The following EHMT1 variants were observed in gnomAD, a reference collection of about 807,000 sequenced individuals.
EHMT1 encodes the protein histone-lysine N-methyltransferase EHMT1.
A neutral mutation model predicts 147.2 loss-of-function variants in EHMT1; 15 were observed. That is an observed-to-expected ratio of 0.10 (90% CI 0.07 to 0.16). The LOEUF is 0.16. EHMT1 is among the 10% of genes least tolerant of loss of function. The probability of loss-of-function intolerance (pLI) is 1.00; values close to 1 mark genes in which losing one functional copy is unlikely to be tolerated. For synonymous variants in EHMT1, 795 were observed against 709.6 expected (o/e 1.12, Z -1.91); for missense variants, 1,587 against 1,772.4 (o/e 0.90, Z 1.88).
chr9:137,813,178 GC>G lies in EHMT1; in HGVS notation c.3035+8del. On this transcript the variant is annotated splice_donor_region_variant and intron_variant, in intron 20 of 26. Coordinates refer to ENST00000460843, the MANE Select transcript of EHMT1 (RefSeq NM_024757.5). The surrounding 1 kb of genome is among the most constrained non-coding windows in gnomAD (Gnocchi z 4.9). ...CGTGGAGAGGATAGTGAGCAGGTGA[GC>G]CCAGCCCCAGGACGGCTTTGTGGCA... is the stretch of plus-strand genomic sequence containing the variant. 2.5e-6 allele frequency: 4 copies of G among 1,608,220 alleles called. No individual in the cohort carries two copies. The highest frequency in any genetic ancestry group is 3.4e-6 in the Non-Finnish European group (4 of 1,179,920).
chr9:137,780,074 GAGAT>G (rs1951268404), intron 14 of EHMT1, among the ~76,000 whole-genome samples: 1 of 150,724 alleles, frequency 6.6e-6, no homozygotes, highest in Non-Finnish European at 1.5e-5. Context: ...TGATGACGCT[GAGAT>G]GTATGGTGAT....
chr9:137,675,810 G>T (rs1941230410), intron 1 of EHMT1, among the ~76,000 whole-genome samples: 2 of 111,270 alleles, frequency 1.8e-5, no homozygotes, highest in Non-Finnish European at 3.3e-5. Context: ...TTTAGACGGA[G>T]TCTCGCTCTG....
At chr9:137,766,093 T>TA (rs943596416) in intron 10 of EHMT1, among the ~76,000 whole-genome samples, 103 of 152,080 alleles carry the variant, frequency 6.8e-4, no homozygotes, top group African/African-American at 2.1e-3. Context: ...CCCCATCTCT[T>TA]AAAAAAACTT....
At position 137,717,034 on chromosome 9, in the gene EHMT1, C is replaced by A. The variant is rs1945389965; in HGVS notation, c.494C>A (p.Pro165Gln). Residue 165 changes from proline to glutamine, a missense_variant, in exon 3 of 27, where the codon CCA becomes CAA. Pro to Gln is a moderately conservative substitution (Grantham distance 76). Around this residue, in one of 7 missense-constraint regions of EHMT1, gnomAD observed 810 missense variants for 673.0 expected, o/e 1.20. Transcript: ENST00000460843. ...GGAGGGGCTGGCAAAGGCAGGACTC[C>A]AAGCGCTTTTCCCCAGACGCCAGCC... ...LPGGAGKGRT[P>Q]SAFPQTPAAP... 1.9e-6 allele frequency: 3 copies of A among 1,607,020 alleles called. No individual in the cohort carries two copies. Among genetic ancestry groups the A allele is most frequent in the Middle Eastern group, 1.7e-4 (1 of 6,052 alleles).
At chr9:137,811,737 C>T (rs1000757042) in intron 19 of EHMT1, 122 bp downstream of exon 19, 80 of 1,320,428 alleles carry the variant, frequency 6.1e-5, no homozygotes, top group Non-Finnish European at 7.6e-5. Flanking sequence ...TCTGTTCCTT[C>T]GTGTGGAAGT....
At chr9:137,630,329 A>G (rs1490581217) in intron 1 of EHMT1, among the ~76,000 whole-genome samples, 1 of 152,248 alleles carries the variant, frequency 6.6e-6, no homozygotes, top group Non-Finnish European at 1.5e-5. Flanking sequence ...AGTTAAAAGT[A>G]AACAAGAAGA....
intron 1 of EHMT1, among the ~76,000 whole-genome samples, chr9:137,633,584 C>A (rs1467974921): frequency 6.6e-6 from 1 of 152,056 alleles, no homozygotes; most frequent in East Asian, 1.9e-4. Flanking sequence ...CTATAAAATT[C>A]ACATTTTAAA....
chr9:137,624,099 A>G (rs118136239), intron 1 of EHMT1, among the ~76,000 whole-genome samples: 2,914 of 150,794 alleles, frequency 0.019, 40 homozygotes, highest in Non-Finnish European at 0.03. Context: ...TCCTGGGCTC[A>G]AGTGGTTCTC....
At chr9:137,743,795 C>A in intron 5 of EHMT1, 107 bp from the exon 6 acceptor site, 1 of 1,378,162 alleles carries the variant, frequency 7.3e-7, no homozygotes, top group Non-Finnish European at 9.9e-7. Context: ...CCCCGCCTCC[C>A]CACAGGCCCT....
At chr9:137,728,597 A>G in intron 4 of EHMT1, 68 bp downstream of exon 4, 1 of 1,606,172 alleles carries the variant, frequency 6.2e-7, no homozygotes, top group South Asian at 1.1e-5. Flanking sequence ...TTGCCAGGTG[A>G]GAGTTCTGTT....
chr9:137,746,614 T>TA (rs1948561826), intron 6 of EHMT1: 1 of 152,256 alleles, frequency 6.6e-6, no homozygotes, highest in African/African-American at 2.4e-5. Context: ...AGAATTAAAA[T>TA]ATCAGGTAGG....
chr9:137,815,862 G>A, intron 22 of EHMT1, 85 bp from the exon 23 acceptor site: 1 of 1,152,992 alleles, frequency 8.7e-7, no homozygotes, highest in Non-Finnish European at 1.3e-6. Flanking sequence ...AAGCCACACT[G>A]GGCACTTAGT....
intron 1 of EHMT1, among the ~76,000 whole-genome samples, chr9:137,693,341 A>G (rs1943101241): frequency 6.6e-6 from 1 of 152,182 alleles, no homozygotes; most frequent in African/African-American, 2.4e-5. Context: ...TAATCAATTC[A>G]GAACTTAGGC....
At chr9:137,677,185 T>G (rs1181194042) in intron 1 of EHMT1, among the ~76,000 whole-genome samples, 2 of 151,934 alleles carry the variant, frequency 1.3e-5, no homozygotes, top group Non-Finnish European at 2.9e-5. Flanking sequence ...CCAGGCTGGA[T>G]TGCCGTGACG....
rs1171507861 is a variant in EHMT1 at position 137,775,133 on chromosome 9, G to T, written c.1672G>T (p.Val558Phe). 1.9e-6 allele frequency: 3 copies of T among 1,614,100 alleles called. No homozygotes were observed. The South Asian group carries it at 3.3e-5, about 18-fold the overall frequency. The change falls in exon 11 of 27, where the codon GTC becomes TTC. Residue 558 changes from valine to phenylalanine, a missense_variant. By Grantham distance (50) the Val-to-Phe change is conservative (BLOSUM62 -1). This residue lies in a region of EHMT1 where 124 missense variants were observed against 197.8 expected (regional missense o/e 0.63). Transcript: ENST00000460843. The surrounding 1 kb of genome is among the most constrained non-coding windows in gnomAD (Gnocchi z 6.1). ...HELGRCTNSV[V>F]KYELMRPSNK... ...GTTGGGCCGGTGCACAAACAGCGTGGTCAAGTATGAGCTGATGCGCCCCTC... is the reference window on the plus strand; with the variant it reads ...GTTGGGCCGGTGCACAAACAGCGTGTTCAAGTATGAGCTGATGCGCCCCTC...
At chr9:137,822,389 G>A (rs1212757210) in intron 25 of EHMT1, among the ~76,000 whole-genome samples, 1 of 152,156 alleles carries the variant, frequency 6.6e-6, no homozygotes, top group Non-Finnish European at 1.5e-5. Context: ...GAGTAAATGG[G>A]GGTGGAGTTA....
intron 15 of EHMT1, chr9:137,784,382 A>G: frequency 7.1e-6 from 9 of 1,262,732 alleles, no homozygotes; most frequent in Non-Finnish European, 9.0e-6. Context: ...AATAAATTGC[A>G]TTCAGACCAT....
intron 1 of EHMT1, among the ~76,000 whole-genome samples, chr9:137,657,407 C>G (rs567689700): frequency 6.6e-6 from 1 of 151,444 alleles, no homozygotes. Flanking sequence ...GAGAGGCTGT[C>G]GCGCTCGTTA....
chr9:137,741,625 C>T (rs1231638079), intron 4 of EHMT1, among the ~76,000 whole-genome samples: 1 of 152,166 alleles, frequency 6.6e-6, no homozygotes, highest in Non-Finnish European at 1.5e-5. Flanking sequence ...TGTAGTCACC[C>T]TTGGGTATAT....
Sources: gnomAD v4.1 joint callset for allele counts (sites outside exome capture counted in the v4.1 genomes callset) on GRCh38, gnomAD v4.1.1 for gene constraint, gnomAD v4.1.1 regional missense constraint, Gnocchi (gnomAD v3.1) non-coding constraint, MANE v1.5 for transcripts, NCBI Gene and HGNC (gene_info 2026-07-23, HGNC 2026-07-21) for gene names.